The following OLA1 variants were observed in gnomAD, a reference collection of about 807,000 sequenced individuals.
The protein encoded by OLA1 is obg-like ATPase 1.
In OLA1, 14 loss-of-function variants were observed where a neutral mutation model predicts 48.4. The observed-to-expected ratio is 0.29, with a 90% CI of 0.19 to 0.45. The LOEUF (loss-of-function observed/expected upper bound fraction) is 0.45, where lower values mean the gene tolerates loss of function less well. OLA1 is among the 20% of genes least tolerant of loss of function. OLA1 has a pLI of 1.00. For missense variants in OLA1, 325 were observed against 467.1 expected, an observed-to-expected ratio of 0.70 and a Z score of 2.80; for synonymous variants, 127 against 150.4, an observed-to-expected ratio of 0.84 and a Z score of 1.14.
chr2:174,223,006 AATGATTAAATAAACAACTGT>A lies in OLA1; in HGVS notation c.373+7_373+26del. 1 of 1,584,696 alleles carries A rather than the reference AATGATTAAATAAACAACTGT, an allele frequency of 6.3e-7. No homozygotes were observed. Among genetic ancestry groups the A allele is most frequent in the Non-Finnish European group, 8.6e-7 (1 of 1,165,746 alleles). On this transcript the variant is annotated splice_region_variant and intron_variant, in intron 4 of 10. Transcript: ENST00000284719. ...AGAAAACACTGATCTGAATGAAATCAATGATTAAATAAACAACTGTACTTACGTGTTAGATGAAAGATGCC... is the reference window on the plus strand; with the variant it reads ...AGAAAACACTGATCTGAATGAAATCAACTTACGTGTTAGATGAAAGATGCC...
chr2:174,231,686 C>T (rs953450201), intron 2 of OLA1, among the ~76,000 whole-genome samples: 2 of 152,146 alleles, frequency 1.3e-5, no homozygotes, highest in East Asian at 1.9e-4. Context: ...TCCATATTCA[C>T]AGACTGTCTC....
rs1198229751 is a variant in OLA1, at chr2:174,073,379, T to C, written c.*2047A>G. On this transcript the variant is annotated 3_prime_UTR_variant, in exon 11 of 11. Transcript: ENST00000284719. ...AAAATATTTACATAACATCCTAAAATATATTAACTTTATCAATATTAAAGG... is the reference window on the plus strand; with the variant it reads ...AAAATATTTACATAACATCCTAAAACATATTAACTTTATCAATATTAAAGG... The C allele has an allele frequency of 6.6e-6, 1 of 152,156 alleles. No homozygotes were observed. The highest frequency in any genetic ancestry group is 1.5e-5 in the Non-Finnish European group (1 of 68,020). The allele number at this position is 152,156 out of a possible 1,614,324, so 9.4% of individuals were successfully genotyped here.
intron 4 of OLA1, among the ~76,000 whole-genome samples, chr2:174,194,006 A>G (rs1344473776): frequency 1.3e-5 from 2 of 152,168 alleles, no homozygotes; most frequent in African/African-American, 4.8e-5. Context: ...ACACACGTGC[A>G]CGCACTTTCC....
intron 7 of OLA1, among the ~76,000 whole-genome samples, chr2:174,097,096 C>A (rs937879966): frequency 2.0e-5 from 3 of 152,092 alleles, no homozygotes; most frequent in African/African-American, 7.2e-5. Context: ...GCGAAGGTTG[C>A]AGTGAGCCGA....
At chr2:174,226,571 C>T (rs1688621578) in intron 3 of OLA1, among the ~76,000 whole-genome samples, 1 of 151,870 alleles carries the variant, frequency 6.6e-6, no homozygotes, top group African/African-American at 2.4e-5. Flanking sequence ...GCCATCTTGG[C>T]TCACTGCAAC....
chr2:174,163,711 AATATAT>A (rs58320338), intron 4 of OLA1, among the ~76,000 whole-genome samples: 5 of 34,456 alleles, frequency 1.5e-4, no homozygotes, highest in South Asian at 1.2e-3. Flanking sequence ...TAAATAAATA[AATATAT>A]ATATATATAT....
intron 4 of OLA1, among the ~76,000 whole-genome samples, chr2:174,151,666 C>T (rs1422892642): frequency 6.6e-6 from 1 of 152,164 alleles, no homozygotes; most frequent in Non-Finnish European, 1.5e-5. Flanking sequence ...TATGTCAGAA[C>T]TCTGGTTCCC....
chr2:174,219,070 C>T (rs1405534949), intron 4 of OLA1, among the ~76,000 whole-genome samples: 2 of 147,490 alleles, frequency 1.4e-5, no homozygotes, highest in East Asian at 2.1e-4. Flanking sequence ...AAGTGATCTG[C>T]GTAGGTCTCC....
intron 4 of OLA1, among the ~76,000 whole-genome samples, chr2:174,207,950 T>C (rs1173917135): frequency 1.3e-5 from 2 of 152,090 alleles, no homozygotes; most frequent in South Asian, 2.1e-4. Flanking sequence ...CAATGCAAAA[T>C]ATAGGCACTC....
intron 4 of OLA1, among the ~76,000 whole-genome samples, chr2:174,149,606 A>G (rs1686697682): frequency 6.6e-6 from 1 of 152,124 alleles, no homozygotes; most frequent in South Asian, 2.1e-4. Flanking sequence ...TAATTTCTGT[A>G]CCTCCCTTAC....
intron 7 of OLA1, among the ~76,000 whole-genome samples, chr2:174,085,878 A>G (rs1181320786): frequency 2.0e-5 from 3 of 152,068 alleles, no homozygotes; most frequent in Admixed American, 6.6e-5. Context: ...TTCTTTTCAG[A>G]CTGCTTTGAC....
intron 7 of OLA1, among the ~76,000 whole-genome samples, chr2:174,107,097 G>T (rs1685529657): frequency 6.6e-6 from 1 of 152,134 alleles, no homozygotes; most frequent in African/African-American, 2.4e-5. Flanking sequence ...TAGACAATTT[G>T]CTCTGATAAG....
At chr2:174,225,609 T>C (rs1237744181) in intron 3 of OLA1, among the ~76,000 whole-genome samples, 3 of 152,176 alleles carry the variant, frequency 2.0e-5, no homozygotes, top group Admixed American at 6.5e-5. Flanking sequence ...GCTGTGTTTA[T>C]ATGGCCTGCA....
chr2:174,080,995 G>T, intron 9 of OLA1, 157 bp downstream of exon 9: 1 of 637,968 alleles, frequency 1.6e-6, no homozygotes, highest in Non-Finnish European at 2.8e-6. Context: ...CACTTTCACT[G>T]TTCAGCAGCT....
chr2:174,233,521 A>G (rs1559018406), intron 2 of OLA1, among the ~76,000 whole-genome samples: 2 of 152,208 alleles, frequency 1.3e-5, no homozygotes, highest in Non-Finnish European at 2.9e-5. Flanking sequence ...CTACAGGTGC[A>G]TGACACCACG....
intron 5 of OLA1, among the ~76,000 whole-genome samples, chr2:174,133,734 G>A (rs141877604): frequency 6.6e-6 from 1 of 152,134 alleles, no homozygotes; most frequent in Non-Finnish European, 1.5e-5. Flanking sequence ...GCAGCAGAGA[G>A]GTGGACTTTT....
chr2:174,225,083 G>A (rs10432426), intron 3 of OLA1, among the ~76,000 whole-genome samples: 19,388 of 152,104 alleles, frequency 0.13, 1,444 homozygotes, highest in East Asian at 0.21. Flanking sequence ...GTCACGGGGT[G>A]GATCCCTCAT....
At chr2:174,202,504 T>C (rs1161142617) in intron 4 of OLA1, among the ~76,000 whole-genome samples, 1 of 152,222 alleles carries the variant, frequency 6.6e-6, no homozygotes. Flanking sequence ...TTGTGTTTAA[T>C]GCTATATTGT....
intron 4 of OLA1, among the ~76,000 whole-genome samples, chr2:174,188,618 T>A (rs1265386615): frequency 6.6e-6 from 1 of 152,140 alleles, no homozygotes. Flanking sequence ...AATGGCTGCT[T>A]ATCAGCAGCA....
Sources: allele counts gnomAD v4.1 joint callset (sites outside exome capture counted in the v4.1 genomes callset), GRCh38; gene constraint gnomAD v4.1.1; transcripts MANE v1.5; gene names NCBI Gene and HGNC (gene_info 2026-07-23, HGNC 2026-07-21).